ASPSCR1: variants seen among roughly 807,000 people sequenced by gnomAD.
The protein encoded by ASPSCR1 is ASPSCR1 tether for SLC2A4, UBX domain containing.
Under a neutral mutation model 68.9 loss-of-function variants are expected in ASPSCR1, and 55 were observed. The observed-to-expected ratio is 0.80, with a 90% CI of 0.64 to 1.00. The LOEUF (loss-of-function observed/expected upper bound fraction) is 1.00, where lower values mean the gene tolerates loss of function less well. Among genes scored for constraint, ASPSCR1 ranks in the 50% least tolerant of loss-of-function variants. The probability of loss-of-function intolerance (pLI) is 0.00; values close to 1 mark genes in which losing one functional copy is unlikely to be tolerated. For missense variants in ASPSCR1, 765 were observed against 762.2 expected (o/e 1.00, Z -0.04); for synonymous variants, 352 against 332.6 (o/e 1.06, Z -0.63).
rs769520334 is a variant in ASPSCR1, at chr17:81,977,704, C to T, written c.58C>T (p.Arg20Trp). ...SAVSVLAPNG[R>W]RHTVKVTPST... ...GGTGTCGGTGCTGGCCCCGAACGGCCGGCGCCACACGGTGAAGGTGACGCC... is the reference window on the plus strand; with the variant it reads ...GGTGTCGGTGCTGGCCCCGAACGGCTGGCGCCACACGGTGAAGGTGACGCC... The change falls in exon 1 of 16, where the codon CGG becomes TGG. Residue 20 changes from arginine to tryptophan, a missense_variant. Transcript: ENST00000306739. The surrounding 1 kb of genome is among the most constrained non-coding windows in gnomAD (Gnocchi z 5.0). The T allele has an allele frequency of 5.2e-6, 7 of 1,355,130 alleles. No homozygotes were observed. The highest frequency in any genetic ancestry group is 6.7e-6 in the Non-Finnish European group (7 of 1,046,934). The allele number at this position is 1,355,130 out of a possible 1,614,324, so 83.9% of individuals were successfully genotyped here.
intron 4 of ASPSCR1, among the ~76,000 whole-genome samples, chr17:81,992,144 C>T (rs868079139): frequency 5.9e-5 from 9 of 152,322 alleles, no homozygotes; most frequent in African/African-American, 2.2e-4. Context: ...TTTCTGGCTT[C>T]GGAGCATGGT....
intron 4 of ASPSCR1, among the ~76,000 whole-genome samples, chr17:81,994,207 C>T (rs959214413): frequency 2.0e-5 from 3 of 152,222 alleles, no homozygotes; most frequent in Non-Finnish European, 4.4e-5. Context: ...AGCTGTGCCT[C>T]CTGCGGGGCG....
rs1270072661 is a variant in ASPSCR1, at chr17:82,004,000, G to A, written c.934-5037G>A. Among the ~76,000 whole-genome samples, 4 of 152,342 alleles carry A rather than the reference G, an allele frequency of 2.6e-5. No homozygotes were observed. The East Asian group carries it at 5.8e-4, about 22-fold the overall frequency. On this transcript the variant is annotated intron_variant, in intron 7 of 15. Transcript: ENST00000306739. ...CGAGACGGTGGGAGGGAGGGAGGCC[G>A]GGAGGGAAAAACACAAACCCTCAGA...
In ASPSCR1 at chr17:81,999,851, G is replaced by A. The variant is rs534120127; in HGVS notation, c.933+3005G>A. Among the ~76,000 whole-genome samples the A allele has an allele frequency of 5.3e-5, 8 of 152,326 alleles. No individual in the cohort carries two copies. In the East Asian group the frequency reaches 5.8e-4, roughly 11 times the overall value. ...AGGGCAGAGGCCGGGCGTCTGCACC[G>A]TGTTGGATGTGGGGGCTCCCATCTA... On this transcript the variant is annotated intron_variant, in intron 7 of 15. Transcript: ENST00000306739. The surrounding 1 kb of genome is among the most constrained non-coding windows in gnomAD (Gnocchi z 4.4).
At chr17:82,003,181 C>T (rs1052377479) in intron 7 of ASPSCR1, among the ~76,000 whole-genome samples, 1 of 152,224 alleles carries the variant, frequency 6.6e-6, no homozygotes, top group African/African-American at 2.4e-5. Flanking sequence ...TACAGTGGCT[C>T]GCACCTATAA....
At chr17:81,982,486 C>G (rs141150374) in intron 2 of ASPSCR1, 1 of 152,450 alleles carries the variant, frequency 6.6e-6, no homozygotes, top group Admixed American at 6.5e-5. Context: ...GGTTCCCAGC[C>G]TGCCTGCCCT....
rs749602936 is a variant in ASPSCR1, at chr17:82,009,490, C to G, written c.1093C>G (p.Arg365Gly). Residue 365 changes from arginine (R) to glycine (G), a missense_variant, in exon 9 of 16, where the codon CGC (arginine) becomes GGC (glycine). Transcript: ENST00000306739. ...RLAQLKSERK[R>G]LEEAPLVTKA... is the part of the protein sequence containing the mutation. Reference sequence around the variant, plus strand: ...TCCTTCCCCTCCTCACCACAGGAAGCGCCTGGAAGAAGCCCCCTTGGTGAC... The same window carrying G: ...TCCTTCCCCTCCTCACCACAGGAAGGGCCTGGAAGAAGCCCCCTTGGTGAC... 2 of 1,577,730 alleles carry G rather than the reference C, an allele frequency of 1.3e-6. No individual in the cohort carries two copies. The highest frequency in any genetic ancestry group is 1.7e-6 in the Non-Finnish European group (2 of 1,161,808).
At chr17:81,995,302 C>T (rs1013499400) in intron 5 of ASPSCR1, 22 of 243,816 alleles carry the variant, frequency 9.0e-5, no homozygotes, top group African/African-American at 3.9e-4. Context: ...GGCACTGGCC[C>T]GGAGGGGCCC....
At chr17:81,988,818 G>A (rs2042077399) in intron 4 of ASPSCR1, among the ~76,000 whole-genome samples, 1 of 152,228 alleles carries the variant, frequency 6.6e-6, no homozygotes, top group Non-Finnish European at 1.5e-5. Context: ...GGTTGCAGCA[G>A]AGTGTGCAGC....
At chr17:81,992,804 G>A (rs1264803213) in intron 4 of ASPSCR1, among the ~76,000 whole-genome samples, 2 of 152,244 alleles carry the variant, frequency 1.3e-5, no homozygotes, top group Non-Finnish European at 2.9e-5. Flanking sequence ...TTTGTTGGCT[G>A]CTCTGTGGGA....
chr17:82,012,139 G>C (rs767142775), intron 11 of ASPSCR1, 92 bp from the exon 12 acceptor site: 17 of 1,431,128 alleles, frequency 1.2e-5, no homozygotes, highest in Non-Finnish European at 1.6e-5. Context: ...CACTTGAGGC[G>C]TCACCCCCAT....
intron 10 of ASPSCR1, among the ~76,000 whole-genome samples, 175 bp downstream of exon 10, chr17:82,011,043 G>A (rs980312276): frequency 1.3e-4 from 20 of 152,230 alleles, no homozygotes; most frequent in African/African-American, 3.1e-4. Flanking sequence ...AGTTCGCAGA[G>A]TGTCAGGCAG....
chr17:82,002,657 G>C (rs1179647420), intron 7 of ASPSCR1, among the ~76,000 whole-genome samples: 2 of 151,840 alleles, frequency 1.3e-5, no homozygotes, highest in African/African-American at 4.8e-5. Flanking sequence ...CCACCTCCCG[G>C]GTTCAAGTGA....
chr17:81,995,955 G>A, intron 5 of ASPSCR1, 37 bp from the exon 6 acceptor site: 2 of 1,596,156 alleles, frequency 1.3e-6, no homozygotes, highest in Non-Finnish European at 1.7e-6. Context: ...TGGGGTCCCG[G>A]TGCAAGGCGC....
At chr17:81,994,782 G>A (rs2042280881) in intron 4 of ASPSCR1, 39 bp from the exon 5 acceptor site, 1 of 1,604,278 alleles carries the variant, frequency 6.2e-7, no homozygotes, top group Non-Finnish European at 8.5e-7. Context: ...TGGTTGAGCT[G>A]CCCTGGGGTA....
rs531910625 is a variant in ASPSCR1, at chr17:81,994,755, C to T, written c.375-66C>T. On this transcript the variant is annotated intron_variant, in intron 4 of 15. Coordinates refer to ENST00000306739, the MANE Select transcript of ASPSCR1 (RefSeq NM_024083.4). Reference sequence around the variant, plus strand: ...CCTTTGCTTTCCGAGTCTCCTGCCCCAGGGCCTCCGTGGCACTGGTTGAGC... The same window carrying T: ...CCTTTGCTTTCCGAGTCTCCTGCCCTAGGGCCTCCGTGGCACTGGTTGAGC... The T allele has an allele frequency of 1.6e-5, 25 of 1,530,368 alleles. No individual in the cohort carries two copies. The African/African-American group carries it at 3.3e-4, about 20-fold the overall frequency. The allele number at this position is 1,530,368 out of a possible 1,614,324, so 94.8% of individuals were successfully genotyped here. A position where few individuals can be genotyped will look rare whatever the true frequency, so the allele number is the denominator to read the frequency against.
chr17:81,984,978 A>G (rs1393070893), intron 3 of ASPSCR1, among the ~76,000 whole-genome samples: 2 of 70,408 alleles, frequency 2.8e-5, no homozygotes, highest in Non-Finnish European at 5.2e-5. Context: ...GCACACACCC[A>G]CACACCTGCG....
chr17:82,011,001 C>A, intron 10 of ASPSCR1, 133 bp downstream of exon 10: 1 of 1,062,184 alleles, frequency 9.4e-7, no homozygotes, highest in Non-Finnish European at 1.4e-6. Context: ...GGTGCGGGTG[C>A]TGATGTCCCC....
intron 11 of ASPSCR1, chr17:82,011,982 G>A: frequency 1.6e-6 from 1 of 636,958 alleles, no homozygotes; most frequent in Non-Finnish European, 2.8e-6. Flanking sequence ...CAAAGGGTTA[G>A]GCTGCCCACT....
Sources: allele counts gnomAD v4.1 joint callset (sites outside exome capture counted in the v4.1 genomes callset), GRCh38; gene constraint gnomAD v4.1.1; non-coding constraint Gnocchi (gnomAD v3.1); transcripts MANE v1.5; gene names NCBI Gene and HGNC (gene_info 2026-07-23, HGNC 2026-07-21).